SCN4A: variants seen among roughly 807,000 people sequenced by gnomAD.
The protein encoded by SCN4A is sodium channel protein type 4 subunit alpha.
SCN4A carries 83 observed loss-of-function variants against 162.0 expected under a neutral mutation model. That is an observed-to-expected ratio of 0.51 (90% confidence interval 0.43 to 0.61). SCN4A has a LOEUF of 0.61. Ranked by LOEUF, SCN4A falls within the 20% of genes least tolerant of loss-of-function variation. The pLI, the probability that SCN4A is intolerant of heterozygous loss-of-function variation, is 0.00. For synonymous variants in SCN4A, 944 were observed against 985.1 expected (o/e 0.96, Z 0.78); for missense variants, 2,196 against 2,462.5 (o/e 0.89, Z 2.29).
At position 63,945,675 on chromosome 17, in the gene SCN4A, A is replaced by C; in HGVS notation, c.3442-37T>G. 6.2e-7 allele frequency: 1 copy of C among 1,611,290 alleles called. No homozygotes were observed. Among genetic ancestry groups the C allele is most frequent in the Non-Finnish European group, 8.5e-7 (1 of 1,178,414 alleles). ...GGGGTCCATTGCCAGTGCCTCTCCCAGCCTCTGAGAGAGGGCTCCACATCT... is the reference window on the plus strand; with the variant it reads ...GGGGTCCATTGCCAGTGCCTCTCCCCGCCTCTGAGAGAGGGCTCCACATCT... On this transcript the variant is annotated intron_variant, in intron 18 of 23. Transcript: ENST00000435607. This position sits in a 1 kb window ranked among gnomAD's most constrained non-coding sequence, Gnocchi z 4.4.
chr17:63,961,249 T>C lies in SCN4A; in HGVS notation c.1789A>G (p.Met597Val), dbSNP rs746922983. The C allele has an allele frequency of 7.0e-7, 1 of 1,429,376 alleles. No individual in the cohort carries two copies. The highest frequency in any genetic ancestry group is 1.9e-5 in the Admixed American group (1 of 53,468). The allele number at this position is 1,429,376 out of a possible 1,614,324, so 88.5% of individuals were successfully genotyped here. A position where few individuals can be genotyped will look rare whatever the true frequency, so the allele number is the denominator to read the frequency against. ...TGCTCCGTCATGGGGTAATGTTCCATGGCCATGAAGAGGGTGTTGAGCACG... is the reference window on the plus strand; with the variant it reads ...TGCTCCGTCATGGGGTAATGTTCCACGGCCATGAAGAGGGTGTTGAGCACG... Reference protein sequence around the residue: ...CIVLNTLFMAMEHYPMTEHFD... With the variant: ...CIVLNTLFMAVEHYPMTEHFD... Residue 597 changes from methionine (M) to valine (V), a missense_variant, in exon 11 of 24, where the codon ATG (methionine) becomes GTG (valine). Transcript: ENST00000435607.
intron 3 of SCN4A, 51 bp from the exon 4 acceptor site, chr17:63,971,901 A>G: frequency 6.3e-7 from 1 of 1,590,176 alleles, no homozygotes; most frequent in Admixed American, 1.7e-5. Flanking sequence ...GGTAGGGGTC[A>G]GTGTGGCAAC....
chr17:63,947,451 C>G (rs1344236116), intron 17 of SCN4A, among the ~76,000 whole-genome samples: 1 of 152,178 alleles, frequency 6.6e-6, no homozygotes, highest in East Asian at 1.9e-4. Flanking sequence ...ATCTAAGAGG[C>G]TAAGAAAATC....
At position 63,944,830 on chromosome 17, in the gene SCN4A, G is replaced by A. The variant is rs772330384; in HGVS notation, c.3775-20C>T. On this transcript the variant is annotated intron_variant, in intron 20 of 23. Transcript: ENST00000435607. This position sits in a 1 kb window ranked among gnomAD's most constrained non-coding sequence, Gnocchi z 4.3. ...CTCCTTCTGTGGGAGCCACAGGGTG[G>A]GACGGCGTGGGTTTGCACGCTGGCT... 1.2e-6 allele frequency: 2 copies of A among 1,612,054 alleles called. No homozygotes were observed. The highest frequency in any genetic ancestry group is 4.5e-5 in the East Asian group (2 of 44,820).
In SCN4A at chr17:63,946,465, C is replaced by G. The variant is rs3785567; in HGVS notation, c.3441+580G>C. Reference sequence around the variant, plus strand: ...CTGGGGAAGTCCCATTTTTCTTGCCCCCCCCCCCACCCCGCCGCAACCCTG... The same window carrying G: ...CTGGGGAAGTCCCATTTTTCTTGCCGCCCCCCCCACCCCGCCGCAACCCTG... On this transcript the variant is annotated intron_variant, in intron 18 of 23. Coordinates refer to ENST00000435607, the MANE Select transcript of SCN4A (RefSeq NM_000334.4). Among the ~76,000 whole-genome samples the G allele has an allele frequency of 7.5e-4, 94 of 124,670 alleles. 3 individuals are homozygous for G. In the East Asian group the frequency reaches 0.012, roughly 16 times the overall value. 81.8% of individuals were successfully genotyped at this position (124,670 alleles called of 152,430 possible). A position where few individuals can be genotyped will look rare whatever the true frequency, so the allele number is the denominator to read the frequency against.
rs1324598972 is a variant in SCN4A, at chr17:63,972,530, G to T, written c.273+39C>A. Reference sequence around the variant, plus strand: ...AGACAGACAGGCAGACAGATGGATGGATGGCAGACAGACAGAGGAAGCCTT... The same window carrying T: ...AGACAGACAGGCAGACAGATGGATGTATGGCAGACAGACAGAGGAAGCCTT... On this transcript the variant is annotated intron_variant, in intron 1 of 23. Transcript: ENST00000435607. The surrounding 1 kb of genome is among the most constrained non-coding windows in gnomAD (Gnocchi z 4.3). The T allele has an allele frequency of 6.2e-7, 1 of 1,601,296 alleles. No individual in the cohort carries two copies. Among genetic ancestry groups the T allele is most frequent in the South Asian group, 1.1e-5 (1 of 89,446 alleles).
chr17:63,960,565 A>C (rs946759680), intron 11 of SCN4A, among the ~76,000 whole-genome samples: 1 of 152,158 alleles, frequency 6.6e-6, no homozygotes, highest in Admixed American at 6.5e-5. Flanking sequence ...GGGCTGGAGG[A>C]GGAGGCGGCT....
intron 18 of SCN4A, among the ~76,000 whole-genome samples, chr17:63,946,118 G>T (rs1908708658): frequency 6.6e-6 from 1 of 152,202 alleles, no homozygotes; most frequent in Non-Finnish European, 1.5e-5. Context: ...CAGCCCACCT[G>T]ACCACTGCAG....
chr17:63,961,721 C>T, intron 10 of SCN4A: 1 of 431,888 alleles, frequency 2.3e-6, no homozygotes, highest in Non-Finnish European at 4.2e-6. Context: ...CCTCTAACCC[C>T]CGCCTACAGC....
At chr17:63,954,167 C>G (rs918323749) in intron 13 of SCN4A, among the ~76,000 whole-genome samples, 1 of 152,238 alleles carries the variant, frequency 6.6e-6, no homozygotes, top group Non-Finnish European at 1.5e-5. Context: ...CAGCCTCCTC[C>G]AAGGTCTTCT....
At chr17:63,960,186 C>T (rs1346245333) in intron 11 of SCN4A, among the ~76,000 whole-genome samples, 2 of 152,368 alleles carry the variant, frequency 1.3e-5, no homozygotes, top group African/African-American at 2.4e-5. Flanking sequence ...CATGCTGAGC[C>T]CCTCCCAGAG....
rs73992419 is a variant in SCN4A, at chr17:63,949,463, G to C, written c.2919C>G (p.Pro973=). 1.2e-6 allele frequency: 2 copies of C among 1,611,238 alleles called. No homozygotes were observed. The highest frequency in any genetic ancestry group is 1.7e-6 in the Non-Finnish European group (2 of 1,178,702). Reference sequence around the variant, plus strand: ...CTGCCTGCTCCTCAGGGTCCTCCTCGGGGGGCTTGTAGTCAGCTGTGCTGC... The same window carrying C: ...CTGCCTGCTCCTCAGGGTCCTCCTCCGGGGGCTTGTAGTCAGCTGTGCTGC... ...SVCSTADYKP[P]EEDPEEQAEE... The change falls in exon 15 of 24, where the codon CCC becomes CCG. Residue 973 remains proline, a synonymous_variant. Coordinates refer to ENST00000435607, the MANE Select transcript of SCN4A (RefSeq NM_000334.4).
In SCN4A at chr17:63,963,739, CGATGTG is replaced by C; in HGVS notation, c.1533_1538del (p.Asp511_Ser513delinsGlu). On this transcript the variant is annotated inframe_deletion, in exon 10 of 24. Transcript: ENST00000435607. ...GCCTCGGGGCTCCCTTCTCCCCTTG[CGATGTG>C]TCCAGGCTGCCATTGCAGTCTTTGC... 2 of 1,608,310 alleles carry C rather than the reference CGATGTG, an allele frequency of 1.2e-6. No homozygotes were observed. Among genetic ancestry groups the C allele is most frequent in the African/African-American group, 2.7e-5 (2 of 74,934 alleles).
At position 63,944,020 on chromosome 17, in the gene SCN4A, C is replaced by T. The variant is rs60444956; in HGVS notation, c.3913-170G>A. 0.059 allele frequency among the ~76,000 whole-genome samples: 9,042 copies of T among 152,082 alleles called. 909 individuals carry two copies. Among genetic ancestry groups the T allele is most frequent in the African/African-American group, 0.2 (8,458 of 41,418 alleles). The stretch of plus-strand genomic sequence containing the variant: ...GAGGGACAAGGGGAGAATGCGGGAC[C>T]GAGGAGAAGGGAGGGAAGGGGAGTG... On this transcript the variant is annotated intron_variant, in intron 21 of 23. Transcript: ENST00000435607. The surrounding 1 kb of genome is among the most constrained non-coding windows in gnomAD (Gnocchi z 4.3).
intron 11 of SCN4A, among the ~76,000 whole-genome samples, chr17:63,960,301 C>T (rs892588294): frequency 2.6e-5 from 4 of 152,020 alleles, no homozygotes; most frequent in Non-Finnish European, 4.4e-5. Flanking sequence ...AGCTGTGCCA[C>T]GAGTCCAGAG....
chr17:63,948,513 G>C lies in SCN4A; in HGVS notation c.3144+98C>G, dbSNP rs1441120377. 6.4e-6 allele frequency: 7 copies of C among 1,087,800 alleles called. No individual in the cohort carries two copies. In the African/African-American group the frequency reaches 1.1e-4, roughly 17 times the overall value. 67.4% of individuals were successfully genotyped at this position (1,087,800 alleles called of 1,614,324 possible). A position where few individuals can be genotyped will look rare whatever the true frequency, so the allele number is the denominator to read the frequency against. ...GATTCTCAGGGTTTGGGACTGACCA[G>C]AGCATGGCCCTTCCTGTGTGTGGAG... On this transcript the variant is annotated intron_variant, in intron 16 of 23. Transcript: ENST00000435607.
chr17:63,949,384 T>G lies in SCN4A; in HGVS notation c.2989+9A>C. The G allele has an allele frequency of 6.4e-7, 1 of 1,563,972 alleles. No homozygotes were observed. The highest frequency in any genetic ancestry group is 8.7e-7 in the Non-Finnish European group (1 of 1,153,922). On this transcript the variant is annotated intron_variant, in intron 15 of 23. Transcript: ENST00000435607. ...GGAGACACCCAGATGAGGTGAGGGG[T>G]GCCCTCACCCTCAGTGAAGCACTCC...
In SCN4A at chr17:63,944,167, G is replaced by T. The variant is rs1264580127; in HGVS notation, c.3913-317C>A. 6.6e-6 allele frequency among the ~76,000 whole-genome samples: 1 copy of T among 151,994 alleles called. No individual in the cohort carries two copies. Among genetic ancestry groups the T allele is most frequent in the African/African-American group, 2.4e-5 (1 of 41,350 alleles). The stretch of plus-strand genomic sequence containing the variant: ...TCTTTTTTTTTGTTGTTGAGATGGA[G>T]TCTCGCTCTGTCACCAGGCTGGAGT... On this transcript the variant is annotated intron_variant, in intron 21 of 23. Coordinates refer to ENST00000435607, the MANE Select transcript of SCN4A (RefSeq NM_000334.4). This position sits in a 1 kb window ranked among gnomAD's most constrained non-coding sequence, Gnocchi z 4.3.
At chr17:63,958,121 G>A (rs989859443) in intron 12 of SCN4A, among the ~76,000 whole-genome samples, 8 of 152,108 alleles carry the variant, frequency 5.3e-5, no homozygotes, top group African/African-American at 1.9e-4. Flanking sequence ...TGTAATCCCA[G>A]CACTTTGGGA....
Sources: gnomAD v4.1 joint callset for allele counts (sites outside exome capture counted in the v4.1 genomes callset) on GRCh38, gnomAD v4.1.1 for gene constraint, Gnocchi (gnomAD v3.1) non-coding constraint, MANE v1.5 for transcripts, NCBI Gene and HGNC (gene_info 2026-07-23, HGNC 2026-07-21) for gene names.